The following STX3 variants were observed in gnomAD, a reference collection of about 807,000 sequenced individuals.
The protein encoded by STX3 is syntaxin-3.
Under a neutral mutation model 40.2 loss-of-function variants are expected in STX3, and 19 were observed. The observed-to-expected ratio is 0.47, with a 90% confidence interval of 0.33 to 0.69. The LOEUF is 0.69. STX3 is among the 30% of genes least tolerant of loss of function. STX3 has a pLI of 0.02. For synonymous variants in STX3, 122 were observed against 132.2 expected, an observed-to-expected ratio of 0.92 and a Z score of 0.53; for missense variants, 364 against 366.7, an observed-to-expected ratio of 0.99 and a Z score of 0.06.
chr11:59,761,401 A>G (rs1292721658), intron 1 of STX3, among the ~76,000 whole-genome samples: 1 of 152,020 alleles, frequency 6.6e-6, no homozygotes, highest in Non-Finnish European at 1.5e-5. Flanking sequence ...GCCACATGGT[A>G]TTGCAATTTC....
Position 59,795,379 on chromosome 11 carries a change from T to G in STX3, c.683T>G (p.Met228Arg). 1 of 1,612,668 alleles carries G rather than the reference T, an allele frequency of 6.2e-7. No homozygotes were observed. The highest frequency in any genetic ancestry group is 8.5e-7 in the Non-Finnish European group (1 of 1,179,486). Residue 228 changes from methionine to arginine, a missense_variant, in exon 9 of 11, where the codon ATG becomes AGG. By Grantham distance (91) the Met-to-Arg change is moderately conservative. Transcript: ENST00000337979. ...AGAGTCTGTTCTTTGCAGGGTGAGA[T>G]GTTAGATAACATAGAGTTGAATGTC... is the stretch of plus-strand genomic sequence containing the variant. ...IAMLVENQGEMLDNIELNVMH... is the reference protein window; with the variant it reads ...IAMLVENQGERLDNIELNVMH...
intron 1 of STX3, among the ~76,000 whole-genome samples, chr11:59,770,274 G>A (rs1037126851): frequency 6.9e-6 from 1 of 144,022 alleles, no homozygotes; most frequent in African/African-American, 2.5e-5. Context: ...ATGTGGGTGG[G>A]TATATGTGTG....
chr11:59,771,865 A>G (rs1366097249), intron 1 of STX3, among the ~76,000 whole-genome samples: 1 of 152,176 alleles, frequency 6.6e-6, no homozygotes, highest in Non-Finnish European at 1.5e-5. Context: ...TTCTGAGTTT[A>G]GGGAAGTTGA....
At chr11:59,778,635 G>A (rs1864147367) in intron 2 of STX3, among the ~76,000 whole-genome samples, 1 of 152,156 alleles carries the variant, frequency 6.6e-6, no homozygotes, top group African/African-American at 2.4e-5. Context: ...AGCCTTCTGT[G>A]ATCAAATATG....
Position 59,788,868 on chromosome 11 carries a change from C to T in STX3, c.215-5C>T. The T allele has an allele frequency of 6.2e-7, 1 of 1,611,180 alleles. No individual in the cohort carries two copies. Among genetic ancestry groups the T allele is most frequent in the South Asian group, 1.1e-5 (1 of 90,574 alleles). On this transcript the variant is annotated splice_polypyrimidine_tract_variant and splice_region_variant and intron_variant, in intron 3 of 10. Transcript: ENST00000337979. ...AACGGATTCTGCCTGCCTTTATTTA[C>T]CCAGAAACCAAGGATGACCTAGAGC...
At chr11:59,756,415 C>A (rs1348625652) in intron 1 of STX3, among the ~76,000 whole-genome samples, 1 of 152,164 alleles carries the variant, frequency 6.6e-6, no homozygotes, top group Non-Finnish European at 1.5e-5. Context: ...TTCATTGACT[C>A]ATTCAGTACA....
Position 59,803,210 on chromosome 11 carries a change from A to G in STX3, c.*2386A>G, listed in dbSNP as rs1865963464. The G allele has an allele frequency of 8.1e-7, 1 of 1,231,484 alleles. No homozygotes were observed. The highest frequency in any genetic ancestry group is 4.1e-5 in the South Asian group (1 of 24,320). 76.3% of individuals were successfully genotyped at this position (1,231,484 alleles called of 1,614,324 possible). A position where few individuals can be genotyped will look rare whatever the true frequency, so the allele number is the denominator to read the frequency against. ...ATGTATTCTTTCTTTCCTTGTCTGG[A>G]TGAGCAGAAGAAGATCATGATCATG... is the stretch of plus-strand genomic sequence containing the variant. On this transcript the variant is annotated 3_prime_UTR_variant, in exon 11 of 11. Coordinates refer to ENST00000337979, the MANE Select transcript of STX3 (RefSeq NM_004177.5).
In STX3 at chr11:59,773,226, G is replaced by A. The variant is rs189998019; in HGVS notation, c.46G>A (p.Asp16Asn). The A allele has an allele frequency of 1.9e-4, 311 of 1,614,116 alleles. 2 individuals are homozygous for A. Among genetic ancestry groups the A allele is most frequent in the Non-Finnish European group, 1.7e-6 (2 of 1,180,000 alleles). The change falls in exon 2 of 11, where the codon GAT becomes AAT. Residue 16 changes from aspartate (D) to asparagine (N), a missense_variant. Transcript: ENST00000337979. ...EQLKAKQLTQ[D>N]DDTDAVEIAI... Reference sequence around the variant, plus strand: ...CCTTTTGCAGAAGCAGCTGACACAGGATGATGATACTGATGCGGTTGAGAT... The same window carrying A: ...CCTTTTGCAGAAGCAGCTGACACAGAATGATGATACTGATGCGGTTGAGAT...
chr11:59,793,153 C>T lies in STX3; in HGVS notation c.521C>T (p.Pro174Leu), dbSNP rs373637735. 46 of 1,613,426 alleles carry T rather than the reference C, an allele frequency of 2.9e-5. No individual in the cohort carries two copies. Among genetic ancestry groups the T allele is most frequent in the African/African-American group, 1.1e-4 (8 of 75,040 alleles). The stretch of plus-strand genomic sequence containing the variant: ...GAGGAGATGTTGGAGAGTGGCAACC[C>T]GGCCATCTTCACTTCTGGGGTGAGT... ...ELEEMLESGN[P>L]AIFTSGIIDS... Residue 174 changes from proline to leucine, a missense_variant, in exon 7 of 11, where the codon CCG becomes CTG. Coordinates refer to ENST00000337979, the MANE Select transcript of STX3 (RefSeq NM_004177.5).
chr11:59,792,302 C>G, intron 6 of STX3, 87 bp downstream of exon 6: 1 of 1,103,048 alleles, frequency 9.1e-7, no homozygotes, highest in East Asian at 2.5e-5. Flanking sequence ...GTGGAGCAAG[C>G]AGGAAGCACA....
rs1865925727 is a variant in STX3 at position 59,802,529 on chromosome 11, C to T, written c.*1705C>T. Reference sequence around the variant, plus strand: ...ATGATGTCAGACAGTGGATGGGCTCCAGCAACAAGAGACAAAATAACTAAA... The same window carrying T: ...ATGATGTCAGACAGTGGATGGGCTCTAGCAACAAGAGACAAAATAACTAAA... On this transcript the variant is annotated 3_prime_UTR_variant, in exon 11 of 11. Coordinates refer to ENST00000337979, the MANE Select transcript of STX3 (RefSeq NM_004177.5). 1 of 985,828 alleles carries T rather than the reference C, an allele frequency of 1.0e-6. No individual in the cohort carries two copies. The highest frequency in any genetic ancestry group is 4.7e-5 in the South Asian group (1 of 21,290). The allele number at this position is 985,828 out of a possible 1,614,324, so 61.1% of individuals were successfully genotyped here.
At chr11:59,755,664 C>T (rs374003632) in intron 1 of STX3, 29 bp downstream of exon 1, 5 of 1,589,782 alleles carry the variant, frequency 3.1e-6, no homozygotes, top group Non-Finnish European at 4.3e-6. Flanking sequence ...GGGGTGCTGC[C>T]AGGAGGGGTG....
Position 59,803,102 on chromosome 11 carries a change from CTGTTGCTCTCT to C in STX3, c.*2280_*2290del, listed in dbSNP as rs1314436601. ...AGCCAGATCCATCTCCTTTTTCCTT[CTGTTGCTCTCT>C]TCCTTCACACCCTCTTCCATGTCCA... On this transcript the variant is annotated 3_prime_UTR_variant, in exon 11 of 11. Coordinates refer to ENST00000337979, the MANE Select transcript of STX3 (RefSeq NM_004177.5). 2 of 1,228,550 alleles carry C rather than the reference CTGTTGCTCTCT, an allele frequency of 1.6e-6. No homozygotes were observed. The highest frequency in any genetic ancestry group is 1.6e-5 in the African/African-American group (1 of 64,364). 76.1% of individuals were successfully genotyped at this position (1,228,550 alleles called of 1,614,324 possible). A position where few individuals can be genotyped will look rare whatever the true frequency, so the allele number is the denominator to read the frequency against.
chr11:59,784,577 G>A (rs943773142), intron 2 of STX3, among the ~76,000 whole-genome samples: 4 of 152,200 alleles, frequency 2.6e-5, no homozygotes, highest in African/African-American at 4.8e-5. Flanking sequence ...TCAGTTCCAC[G>A]TGGCTGGGAA....
chr11:59,761,254 C>A (rs1483328507), intron 1 of STX3, among the ~76,000 whole-genome samples: 3 of 152,182 alleles, frequency 2.0e-5, no homozygotes, highest in African/African-American at 7.2e-5. Flanking sequence ...AACTTAGGTA[C>A]TCCATTTTTC....
At position 59,802,465 on chromosome 11, in the gene STX3, C is replaced by G. The variant is rs1160090227; in HGVS notation, c.*1641C>G. 1.0e-6 allele frequency: 1 copy of G among 985,732 alleles called. No homozygotes were observed. Among genetic ancestry groups the G allele is most frequent in the African/African-American group, 1.7e-5 (1 of 57,220 alleles). 61.1% of individuals were successfully genotyped at this position (985,732 alleles called of 1,614,324 possible). A position where few individuals can be genotyped will look rare whatever the true frequency, so the allele number is the denominator to read the frequency against. On this transcript the variant is annotated 3_prime_UTR_variant, in exon 11 of 11. Coordinates refer to ENST00000337979, the MANE Select transcript of STX3 (RefSeq NM_004177.5). ...ACTTATGGCCGGTCACAATCCAGCACTCAGACAGAGCCAAGGCAATATCCT... is the reference window on the plus strand; with the variant it reads ...ACTTATGGCCGGTCACAATCCAGCAGTCAGACAGAGCCAAGGCAATATCCT...
Position 59,795,448 on chromosome 11 carries a change from A to G in STX3, c.752A>G (p.Lys251Arg), listed in dbSNP as rs778581130. Residue 251 changes from lysine to arginine, a missense_variant, in exon 9 of 11, where the codon AAA becomes AGA. Lys to Arg is a conservative substitution (Grantham distance 26, BLOSUM62 2). Coordinates refer to ENST00000337979, the MANE Select transcript of STX3 (RefSeq NM_004177.5). ...DHVEKARDET[K>R]KAVKYQSQAR... ...GTGGAGAAGGCACGAGATGAAACGA[A>G]AAAAGCTGTGAAATACCAGAGTCAG... is the stretch of plus-strand genomic sequence containing the variant. 56 of 1,613,374 alleles carry G rather than the reference A, an allele frequency of 3.5e-5. No individual in the cohort carries two copies. The Admixed American group carries it at 5.5e-4, about 16-fold the overall frequency.
intron 2 of STX3, among the ~76,000 whole-genome samples, chr11:59,781,100 T>TTTTTTTTTTTTTTATATA (rs963410109): frequency 1.8e-4 from 26 of 146,334 alleles, no homozygotes; most frequent in South Asian, 4.2e-4. Context: ...TTTTTTTTTT[T>TTTTTTTTTTTTTTATATA]TATATTAGCA....
At chr11:59,786,086 T>C (rs1158167429) in intron 2 of STX3, among the ~76,000 whole-genome samples, 1 of 152,148 alleles carries the variant, frequency 6.6e-6, no homozygotes, top group Admixed American at 6.5e-5. Flanking sequence ...TATGCAGAAA[T>C]GGGCTGTGGC....
Sources: gnomAD v4.1 joint callset for allele counts (sites outside exome capture counted in the v4.1 genomes callset) on GRCh38, gnomAD v4.1.1 for gene constraint, MANE v1.5 for transcripts, NCBI Gene and HGNC (gene_info 2026-07-23, HGNC 2026-07-21) for gene names.